The following WWOX variants were observed in gnomAD, a reference collection of about 807,000 sequenced individuals.
The protein encoded by WWOX is WW domain-containing oxidoreductase.
Under a neutral mutation model 46.2 loss-of-function variants are expected in WWOX, and 69 were observed. The observed-to-expected ratio is 1.49, with a 90% CI of 1.23 to 1.82. The LOEUF (loss-of-function observed/expected upper bound fraction) is 1.82, where lower values mean the gene tolerates loss of function less well. Ranked by LOEUF, WWOX falls within the 40% of genes most tolerant of loss-of-function variation. The pLI is 0.00. For synonymous variants in WWOX, 359 were observed against 202.6 expected, an observed-to-expected ratio of 1.77 and a Z score of -6.56; for missense variants, 919 against 542.6, an observed-to-expected ratio of 1.69 and a Z score of -6.89.
At chr16:78,800,245 G>T (rs1342817992) in intron 8 of WWOX, among the ~76,000 whole-genome samples, 1 of 135,888 alleles carries the variant, frequency 7.4e-6, no homozygotes, top group African/African-American at 2.8e-5. Context: ...ATTGTTCCAT[G>T]GCAAAAAAAA....
At chr16:78,833,677 C>A (rs73577480) in intron 8 of WWOX, among the ~76,000 whole-genome samples, 1 of 152,170 alleles carries the variant, frequency 6.6e-6, no homozygotes, top group Non-Finnish European at 1.5e-5. Context: ...CTATATGGTG[C>A]TTAGAGATTT....
At chr16:78,544,777 C>T (rs186525799) in intron 8 of WWOX, among the ~76,000 whole-genome samples, 16 of 152,026 alleles carry the variant, frequency 1.1e-4, no homozygotes, top group East Asian at 3.9e-4. Flanking sequence ...CAGGAGACTG[C>T]GGTAGGGGGA....
chr16:79,103,891 C>G (rs1161083516), intron 8 of WWOX, among the ~76,000 whole-genome samples: 1 of 152,030 alleles, frequency 6.6e-6, no homozygotes, highest in Non-Finnish European at 1.5e-5. Flanking sequence ...AACCAGGTGG[C>G]TCTGTCCTTC....
chr16:78,707,487 C>CAAGGGG (rs755059151), intron 8 of WWOX, among the ~76,000 whole-genome samples: 69 of 152,290 alleles, frequency 4.5e-4, no homozygotes, highest in Non-Finnish European at 8.8e-4. Context: ...GCTCATTCTG[C>CAAGGGG]AAGGTTTGCT....
chr16:78,179,503 A>G (rs2035459481), intron 5 of WWOX, among the ~76,000 whole-genome samples: 1 of 152,198 alleles, frequency 6.6e-6, no homozygotes, highest in Non-Finnish European at 1.5e-5. Flanking sequence ...CTGCCTGCAG[A>G]ACAGGAATAT....
At chr16:78,555,672 A>G (rs1249096254) in intron 8 of WWOX, among the ~76,000 whole-genome samples, 2 of 151,778 alleles carry the variant, frequency 1.3e-5, no homozygotes, top group Non-Finnish European at 2.9e-5. Context: ...AGCAAGGCAA[A>G]AGGGACAATG....
At position 78,809,670 on chromosome 16, in the gene WWOX, C is replaced by T. The variant is rs113012941; in HGVS notation, c.1056+376918C>T. Among the ~76,000 whole-genome samples, 1,182 of 152,260 alleles carry T rather than the reference C, an allele frequency of 7.8e-3. 14 individuals carry two copies. Among genetic ancestry groups the T allele is most frequent in the African/African-American group, 0.027 (1,124 of 41,546 alleles). On this transcript the variant is annotated intron_variant, in intron 8 of 8. Transcript: ENST00000566780. ...GCCCCCCACCCCTGTTTCCAGATGC[C>T]TTCTAGAAAGAGGACTGGGAGTGTG...
chr16:79,150,362 T>C (rs541592517), intron 8 of WWOX, among the ~76,000 whole-genome samples: 3 of 152,166 alleles, frequency 2.0e-5, no homozygotes, highest in Non-Finnish European at 2.9e-5. Flanking sequence ...CTGTTAATAA[T>C]TCATAATTAT....
At chr16:78,482,843 C>T (rs114366008) in intron 8 of WWOX, among the ~76,000 whole-genome samples, 3 of 152,168 alleles carry the variant, frequency 2.0e-5, no homozygotes, top group Non-Finnish European at 2.9e-5. Flanking sequence ...CATCTGCCTT[C>T]CTGTGTCTAG....
chr16:78,535,676 C>G (rs2043741490), intron 8 of WWOX: 1 of 152,222 alleles, frequency 6.6e-6, no homozygotes, highest in African/African-American at 2.4e-5. Context: ...TCCCTGTAAT[C>G]ATTAATCTCG....
chr16:78,285,865 C>G (rs2079757821), intron 5 of WWOX, among the ~76,000 whole-genome samples: 1 of 152,174 alleles, frequency 6.6e-6, no homozygotes, highest in African/African-American at 2.4e-5. Context: ...AAAGAACAAG[C>G]TTTCTGTCTC....
chr16:79,209,897 CT>C, intron 8 of WWOX, among the ~76,000 whole-genome samples: 2 of 152,292 alleles, frequency 1.3e-5, no homozygotes, highest in East Asian at 3.9e-4. Flanking sequence ...ATGACATGAA[CT>C]CATTTCCATT....
chr16:78,573,497 T>G (rs75643973), intron 8 of WWOX, among the ~76,000 whole-genome samples: 1 of 152,200 alleles, frequency 6.6e-6, no homozygotes. Context: ...CAGATGCATC[T>G]TCCTAAAACA....
intron 8 of WWOX, among the ~76,000 whole-genome samples, chr16:78,734,448 C>G (rs1273624503): frequency 3.9e-5 from 6 of 152,106 alleles, no homozygotes; most frequent in Non-Finnish European, 5.9e-5. Flanking sequence ...ACCTATTTAA[C>G]CTGTGCGTCC....
At chr16:78,723,780 G>A (rs1269628840) in intron 8 of WWOX, among the ~76,000 whole-genome samples, 1 of 151,956 alleles carries the variant, frequency 6.6e-6, no homozygotes, top group Non-Finnish European at 1.5e-5. Flanking sequence ...GTCAAAAATG[G>A]AACTTGCTTC....
chr16:79,147,344 G>C (rs1221416683), intron 8 of WWOX, among the ~76,000 whole-genome samples: 1 of 152,138 alleles, frequency 6.6e-6, no homozygotes, highest in Admixed American at 6.5e-5. Flanking sequence ...AAGCAGAATA[G>C]CATAGTATGT....
chr16:78,796,142 C>G (rs193118447), intron 8 of WWOX, among the ~76,000 whole-genome samples: 1 of 152,196 alleles, frequency 6.6e-6, no homozygotes, highest in African/African-American at 2.4e-5. Flanking sequence ...GCCTTCCTTC[C>G]AGGACTTTCT....
In WWOX at chr16:78,996,236, C is replaced by T. The variant is rs1037142899; in HGVS notation, c.1057-215372C>T. ...AAGACTTGTGGATAGAAGAAGTAAC[C>T]TTGAAAAGGGCAGAGCTGAGCCAGA... On this transcript the variant is annotated intron_variant, in intron 8 of 8. Transcript: ENST00000566780. 7.1e-6 allele frequency: 7 copies of T among 984,954 alleles called. No homozygotes were observed. In the African/African-American group the frequency reaches 1.2e-4, roughly 17 times the overall value. 61.0% of individuals were successfully genotyped at this position (984,954 alleles called of 1,614,324 possible).
chr16:78,517,847 C>T (rs1471741793), intron 8 of WWOX, among the ~76,000 whole-genome samples: 8 of 135,600 alleles, frequency 5.9e-5, no homozygotes, highest in Admixed American at 3.2e-4. Flanking sequence ...AATGATGTTA[C>T]ACAACCTATT....
Sources: allele counts gnomAD v4.1 joint callset (sites outside exome capture counted in the v4.1 genomes callset), GRCh38; gene constraint gnomAD v4.1.1; transcripts MANE v1.5; gene names NCBI Gene and HGNC (gene_info 2026-07-23, HGNC 2026-07-21).